HYCC1: variants seen among roughly 807,000 people sequenced by gnomAD.
HYCC1 encodes the protein hyccin PI4KA lipid kinase complex subunit 1.
the HYCC1 span, among the ~76,000 whole-genome samples, chr7:22,980,286 T>TTTC: frequency 9.2e-5 from 14 of 151,584 alleles, no homozygotes; most frequent in Non-Finnish European, 1.5e-4. Flanking sequence ...TTTTTTTTTT[T>TTTC]CATGGAAACC....
At chr7:22,922,805 C>A in the HYCC1 span, among the ~76,000 whole-genome samples, 3 of 152,018 alleles carry the variant, frequency 2.0e-5, no homozygotes, top group African/African-American at 4.8e-5. Flanking sequence ...AACAAAAAAG[C>A]ACTAGAAATA....
At chr7:22,957,980 T>C in the HYCC1 span, among the ~76,000 whole-genome samples, 3 of 151,418 alleles carry the variant, frequency 2.0e-5, no homozygotes, top group Non-Finnish European at 4.4e-5. Flanking sequence ...CACAATTAAA[T>C]TAAAAAATCT....
chr7:22,946,850 T>C, the HYCC1 span: 1 of 870,164 alleles, frequency 1.1e-6, no homozygotes, highest in Non-Finnish European at 1.7e-6. Flanking sequence ...CATTGAGAAA[T>C]GTGGTGCATA....
chr7:22,917,930 A>G, the HYCC1 span, among the ~76,000 whole-genome samples: 1 of 152,086 alleles, frequency 6.6e-6, no homozygotes, highest in Admixed American at 6.5e-5. Context: ...TCTCCACCAC[A>G]CTATCAATCT....
chr7:22,914,321 C>G, the HYCC1 span, among the ~76,000 whole-genome samples: 1 of 152,212 alleles, frequency 6.6e-6, no homozygotes, highest in Admixed American at 6.5e-5. Flanking sequence ...TCACCACCCC[C>G]CTTCTCCGTG....
At chr7:22,922,057 G>C in the HYCC1 span, among the ~76,000 whole-genome samples, 1 of 151,404 alleles carries the variant, frequency 6.6e-6, no homozygotes, top group Admixed American at 6.6e-5. Context: ...AATTAGTAAA[G>C]GAAAAATAGA....
At chr7:22,934,210 T>TTTTC in the HYCC1 span, 35 of 32,166 alleles carry the variant, frequency 1.1e-3, no homozygotes, top group African/African-American at 2.6e-3. Context: ...TTTTTTCTTT[T>TTTTC]TTTTTTTTTT....
At chr7:22,942,003 C>T in the HYCC1 span, 3 of 152,072 alleles carry the variant, frequency 2.0e-5, no homozygotes, top group African/African-American at 7.2e-5. Flanking sequence ...CCTTGATGTG[C>T]TTCCCTTTAA....
chr7:22,962,862 G>T, the HYCC1 span, among the ~76,000 whole-genome samples: 2 of 146,780 alleles, frequency 1.4e-5, no homozygotes, highest in Non-Finnish European at 3.0e-5. Context: ...AACATGGAAA[G>T]AAACCTATCT....
chr7:22,982,458 A>G, the HYCC1 span, among the ~76,000 whole-genome samples: 1 of 152,176 alleles, frequency 6.6e-6, no homozygotes. Flanking sequence ...TCAAAAGAAG[A>G]GCCTCCCTCA....
At chr7:22,922,937 A>C in the HYCC1 span, among the ~76,000 whole-genome samples, 1 of 151,926 alleles carries the variant, frequency 6.6e-6, no homozygotes, top group Admixed American at 6.6e-5. Flanking sequence ...GAATTGAAAG[A>C]AGAAATACAC....
the HYCC1 span, among the ~76,000 whole-genome samples, chr7:22,897,569 A>G: frequency 1.3e-5 from 2 of 152,256 alleles, no homozygotes; most frequent in Non-Finnish European, 2.9e-5. Context: ...TAGTACGTGC[A>G]GGTAGCTTGA....
At chr7:22,996,235 G>C in the HYCC1 span, among the ~76,000 whole-genome samples, 1 of 151,006 alleles carries the variant, frequency 6.6e-6, no homozygotes, top group South Asian at 2.1e-4. Flanking sequence ...AGAGGTTTCA[G>C]TGAGCCAGGA....
the HYCC1 span, among the ~76,000 whole-genome samples, chr7:22,912,366 G>A: frequency 6.6e-6 from 1 of 152,140 alleles, no homozygotes; most frequent in East Asian, 1.9e-4. Flanking sequence ...TAATCAAGGG[G>A]TACCATATCT....
the HYCC1 span, among the ~76,000 whole-genome samples, chr7:23,003,126 T>C: frequency 3.9e-5 from 6 of 152,142 alleles, no homozygotes; most frequent in East Asian, 1.9e-4. Flanking sequence ...CTTCAACTTA[T>C]GAATTTTGGA....
At chr7:22,945,431 C>T in the HYCC1 span, 1 of 645,464 alleles carries the variant, frequency 1.5e-6, no homozygotes, top group Non-Finnish European at 2.7e-6. Flanking sequence ...TTACTGCAAC[C>T]TAGACAATCT....
At chr7:22,901,387 A>G in the HYCC1 span, among the ~76,000 whole-genome samples, 1 of 152,126 alleles carries the variant, frequency 6.6e-6, no homozygotes, top group Admixed American at 6.5e-5. Flanking sequence ...AAGCCCTGAC[A>G]TATCAATAAT....
At chr7:23,007,401 AAAT>A in the HYCC1 span, among the ~76,000 whole-genome samples, 4 of 152,276 alleles carry the variant, frequency 2.6e-5, no homozygotes, top group Admixed American at 2.0e-4. Context: ...TGTAGAATAG[AAAT>A]AATAATCTTC....
the HYCC1 span, among the ~76,000 whole-genome samples, chr7:22,923,540 T>C: frequency 4.0e-5 from 6 of 151,422 alleles, no homozygotes; most frequent in Non-Finnish European, 7.4e-5. Flanking sequence ...AGGAAGAAAA[T>C]AGTAAGAATT....
Sources: gnomAD v4.1 joint callset for allele counts (sites outside exome capture counted in the v4.1 genomes callset) on GRCh38, gnomAD v4.1.1 for gene constraint, MANE v1.5 for transcripts, NCBI Gene and HGNC (gene_info 2026-07-23, HGNC 2026-07-21) for gene names.